The following MAP3K15 variants were observed in gnomAD, a reference collection of about 807,000 sequenced individuals.
MAP3K15 encodes the protein mitogen-activated protein kinase kinase kinase 15, also known as MAPK/ERK kinase kinase 15.
MAP3K15 carries 124 observed loss-of-function variants against 99.5 expected under a neutral mutation model. The ratio of observed to expected loss-of-function variants is 1.25; its 90% CI spans 1.08 to 1.45. The LOEUF is 1.45. Among genes scored for constraint, MAP3K15 ranks in the 40% most tolerant of loss-of-function variants. The pLI, the probability that MAP3K15 is intolerant of heterozygous loss-of-function variation, is 0.00. For synonymous variants in MAP3K15, 494 were observed against 439.6 expected, an observed-to-expected ratio of 1.12 and a Z score of -1.55; for missense variants, 1,242 against 1,079.7, an observed-to-expected ratio of 1.15 and a Z score of -2.11.
In MAP3K15 at chrX:19,514,822, G is replaced by GAGGGGGCGGGGGACGGGGGAGAAGGA; in HGVS notation, c.361+78_361+79insTCCTTCTCCCCCGTCCCCCGCCCCCT. On this transcript the variant is annotated intron_variant, in intron 1 of 28. Coordinates refer to ENST00000338883, the MANE Select transcript of MAP3K15 (RefSeq NM_001001671.4). ...AGGGGGAGGGGGACGGGGGAGAAGG[G>GAGGGGGCGGGGGACGGGGGAGAAGGA]CGAGGGGGCGGGGCGGGTGCCCTGG... The GAGGGGGCGGGGGACGGGGGAGAAGGA allele has an allele frequency of 2.8e-5, 10 of 363,137 alleles. No homozygotes were observed. The African/African-American group carries it at 4.8e-4, about 17-fold the overall frequency. The allele number at this position is 363,137 out of a possible 1,213,427, so 29.9% of individuals were successfully genotyped here. A position where few individuals can be genotyped will look rare whatever the true frequency, so the allele number is the denominator to read the frequency against.
chrX:19,436,764 A>G (rs1400128397), intron 6 of MAP3K15, among the ~76,000 whole-genome samples: 1 of 111,317 alleles, frequency 9.0e-6, no homozygotes, highest in Non-Finnish European at 1.9e-5. Flanking sequence ...TGCAACCTCT[A>G]ACTCACAGGC....
chrX:19,409,306 C>T (rs1291677332), intron 12 of MAP3K15, among the ~76,000 whole-genome samples: 2 of 111,459 alleles, frequency 1.8e-5, no homozygotes, highest in Non-Finnish European at 3.8e-5. Flanking sequence ...ACTTTCCTAA[C>T]ATCACCCAGC....
At chrX:19,424,309 CATATATATACAT>C (rs1205383278) in intron 9 of MAP3K15, among the ~76,000 whole-genome samples, 2 of 103,077 alleles carry the variant, frequency 1.9e-5, no homozygotes, top group Admixed American at 1.1e-4. Flanking sequence ...TATATACACA[CATATATATACAT>C]ATATATATAT....
At chrX:19,413,317 T>G (rs775530845) in intron 11 of MAP3K15, 40 bp downstream of exon 11, 6 of 1,076,343 alleles carry the variant, frequency 5.6e-6, no homozygotes, top group Non-Finnish European at 6.4e-6. Flanking sequence ...ACTCTCCTAT[T>G]TGAAAACTGA....
intron 1 of MAP3K15, among the ~76,000 whole-genome samples, chrX:19,514,517 G>C (rs1001151027): frequency 2.0e-5 from 1 of 49,679 alleles, no homozygotes; most frequent in Non-Finnish European, 3.7e-5. Flanking sequence ...CCTGTTGGAC[G>C]GATCAGGGGG....
intron 6 of MAP3K15, among the ~76,000 whole-genome samples, chrX:19,437,858 G>A (rs187353510): frequency 1.2e-4 from 13 of 110,995 alleles, no homozygotes; most frequent in East Asian, 2.9e-4. Flanking sequence ...TCTAAGCATC[G>A]ATTACTATGT....
At chrX:19,426,199 GCAA>G (rs1569221226) in intron 8 of MAP3K15, 29 bp downstream of exon 8, 1 of 797,471 alleles carries the variant, frequency 1.3e-6, no homozygotes, top group African/African-American at 2.1e-5. Flanking sequence ...TATAATCAAA[GCAA>G]CAACATCTGC....
intron 6 of MAP3K15, among the ~76,000 whole-genome samples, chrX:19,432,918 G>A (rs192367121): frequency 1.8e-3 from 195 of 111,354 alleles, no homozygotes; most frequent in African/African-American, 6.1e-3. Context: ...CACCATGTTG[G>A]CCAGGCTAGT....
At chrX:19,370,245 A>G (rs1052591504) in intron 24 of MAP3K15, among the ~76,000 whole-genome samples, 5 of 112,233 alleles carry the variant, frequency 4.5e-5, no homozygotes, top group Non-Finnish European at 7.5e-5. Flanking sequence ...TTCTGTAACT[A>G]CTACATGATG....
At chrX:19,465,985 G>A in intron 3 of MAP3K15, among the ~76,000 whole-genome samples, 1 of 109,389 alleles carries the variant, frequency 9.1e-6, no homozygotes. Context: ...ACAAGGTCTT[G>A]CTCTGTCACC....
At chrX:19,418,262 C>T (rs192858963) in intron 9 of MAP3K15, among the ~76,000 whole-genome samples, 1 of 110,943 alleles carries the variant, frequency 9.0e-6, no homozygotes, top group African/African-American at 3.3e-5. Flanking sequence ...GGAGGAAGTT[C>T]GAACCCATGG....
intron 1 of MAP3K15, among the ~76,000 whole-genome samples, chrX:19,511,644 C>T (rs1397896026): frequency 4.5e-5 from 5 of 111,673 alleles, no homozygotes; most frequent in East Asian, 2.8e-4. Flanking sequence ...GTTAGAATGG[C>T]GATCATTAAA....
At chrX:19,391,674 C>CAAAAAAAAAAAA (rs759061873) in intron 18 of MAP3K15, among the ~76,000 whole-genome samples, 86 of 27,783 alleles carry the variant, frequency 3.1e-3, no homozygotes, top group Non-Finnish European at 3.9e-3. Context: ...GACCCCGTCT[C>CAAAAAAAAAAAA]AAAAAAAAAA....
intron 13 of MAP3K15, among the ~76,000 whole-genome samples, chrX:19,406,145 G>A (rs2063645989): frequency 8.9e-6 from 1 of 111,803 alleles, no homozygotes. Flanking sequence ...CACATACATT[G>A]CTAATGGGAA....
At chrX:19,401,549 A>G (rs1390052215) in intron 13 of MAP3K15, among the ~76,000 whole-genome samples, 5 of 111,550 alleles carry the variant, frequency 4.5e-5, no homozygotes, top group Non-Finnish European at 9.4e-5. Flanking sequence ...GATCTAATCA[A>G]TGCTAAGGAT....
In MAP3K15 at chrX:19,360,575, T is replaced by TAACA. The variant is rs757815346; in HGVS notation, c.*170_*173dup. On this transcript the variant is annotated 3_prime_UTR_variant, in exon 29 of 29. Transcript: ENST00000338883. Reference sequence around the variant, plus strand: ...ATACACACAGTTCTATGTTTATAAATAACAGGTTTCAAAAGAAACTCAGGA... The same window carrying TAACA: ...ATACACACAGTTCTATGTTTATAAATAACAAACAGGTTTCAAAAGAAACTCAGGA... 15 of 411,351 alleles carry TAACA rather than the reference T, an allele frequency of 3.6e-5. No individual in the cohort carries two copies. The highest frequency in any genetic ancestry group is 5.5e-5 in the Non-Finnish European group (13 of 238,007). The allele number at this position is 411,351 out of a possible 1,213,427, so 33.9% of individuals were successfully genotyped here.
chrX:19,427,450 G>A (rs150514903), intron 7 of MAP3K15, among the ~76,000 whole-genome samples: 1,282 of 111,543 alleles, frequency 0.011, 35 homozygotes, highest in Admixed American at 0.084. Context: ...GCAGGAAGCC[G>A]TATTGCCAAA....
chrX:19,460,491 G>T (rs745858465), intron 4 of MAP3K15, among the ~76,000 whole-genome samples: 27 of 111,964 alleles, frequency 2.4e-4, no homozygotes, highest in Non-Finnish European at 7.5e-5. Context: ...CCTTCCTTGT[G>T]TATTTATTTT....
intron 7 of MAP3K15, among the ~76,000 whole-genome samples, chrX:19,427,139 C>T (rs767040640): frequency 1.0e-5 from 1 of 98,159 alleles, no homozygotes; most frequent in South Asian, 4.3e-4. Context: ...ATGCACACAC[C>T]TATGCATTTT....
Sources: allele counts gnomAD v4.1 joint callset (sites outside exome capture counted in the v4.1 genomes callset), GRCh38; gene constraint gnomAD v4.1.1; transcripts MANE v1.5; gene names NCBI Gene and HGNC (gene_info 2026-07-23, HGNC 2026-07-21).